The following MAPK10 variants were observed in gnomAD, a reference collection of about 807,000 sequenced individuals.
MAPK10 encodes JNK3 alpha protein kinase.
In MAPK10, 25 loss-of-function variants were observed where a neutral mutation model predicts 59.3. The ratio of observed to expected loss-of-function variants is 0.42; its 90% CI spans 0.31 to 0.59. The LOEUF (loss-of-function observed/expected upper bound fraction) is 0.59. MAPK10 is among the 20% of genes least tolerant of loss of function. The pLI is 0.15. For missense variants in MAPK10, 351 were observed against 568.9 expected (o/e 0.62, Z 3.90); for synonymous variants, 190 against 200.5 (o/e 0.95, Z 0.44).
intron 9 of MAPK10, among the ~76,000 whole-genome samples, chr4:86,092,276 A>C (rs1449117124): frequency 7.9e-5 from 12 of 152,078 alleles, no homozygotes; most frequent in Non-Finnish European, 4.4e-5. Flanking sequence ...AACTTTACTC[A>C]CCATTCACTA....
chr4:86,542,830 T>C (rs962440946), intron 1 of MAPK10, among the ~76,000 whole-genome samples: 1 of 152,184 alleles, frequency 6.6e-6, no homozygotes, highest in Admixed American at 6.5e-5. Flanking sequence ...ATGTTTTCCA[T>C]CTTGTTTTCA....
chr4:86,455,186 G>C (rs930378078), upstream of MAPK10, among the ~76,000 whole-genome samples: 4 of 152,008 alleles, frequency 2.6e-5, no homozygotes, highest in Non-Finnish European at 5.9e-5. Context: ...CCTCTTTAAT[G>C]CATACATCTC....
intron 1 of MAPK10, among the ~76,000 whole-genome samples, chr4:86,488,314 T>C (rs1754180728): frequency 6.6e-6 from 1 of 152,152 alleles, no homozygotes; most frequent in Non-Finnish European, 1.5e-5. Context: ...ATGTCCCCGG[T>C]TTTTCACAAC....
chr4:86,265,508 CA>C (rs529247040), intron 2 of MAPK10, among the ~76,000 whole-genome samples: 3,018 of 114,666 alleles, frequency 0.026, 69 homozygotes, highest in African/African-American at 0.076. Context: ...GTCTCCATCT[CA>C]AAAAAAAAAA....
At chr4:86,075,005 A>C (rs1245689902) in intron 9 of MAPK10, among the ~76,000 whole-genome samples, 15 of 146,894 alleles carry the variant, frequency 1.0e-4, no homozygotes. Context: ...ACTTGGTTCC[A>C]TTCTCCTCAT....
In MAPK10 at chr4:86,446,990, CTCATCTTT is replaced by C. The variant is rs1363847702; in HGVS notation, c.-122+6032_-122+6039del. ...GAATACCTTCTCTCAGTCTTTGGAA[CTCATCTTT>C]TCACTTATTTATGTTGCATGTTAAA... On this transcript the variant is annotated intron_variant, in intron 1 of 13. Coordinates refer to the MAPK10 transcript ENST00000361569. Among the ~76,000 whole-genome samples, 8 of 152,142 alleles carry C rather than the reference CTCATCTTT, an allele frequency of 5.3e-5. No individual in the cohort carries two copies. In the South Asian group the frequency reaches 1.7e-3, roughly 32 times the overall value.
intron 1 of MAPK10, among the ~76,000 whole-genome samples, chr4:86,500,097 C>T (rs4627823): frequency 0.048 from 7,364 of 152,244 alleles, 237 homozygotes; most frequent in African/African-American, 0.061. Flanking sequence ...AATTGAACAA[C>T]TGATTTGCCA....
chr4:86,344,681 G>C (rs1330624310), intron 2 of MAPK10, among the ~76,000 whole-genome samples: 6 of 152,032 alleles, frequency 3.9e-5, no homozygotes, highest in Non-Finnish European at 8.8e-5. Context: ...GGAAGGAACT[G>C]TGTGATATTT....
intron 2 of MAPK10, among the ~76,000 whole-genome samples, chr4:86,221,919 CTGAG>C (rs956590816): frequency 6.6e-6 from 1 of 152,154 alleles, no homozygotes; most frequent in Admixed American, 6.5e-5. Context: ...TCTTGTGCTA[CTGAG>C]TGACTTTTTG....
At chr4:86,549,564 C>T (rs1759591092) in intron 1 of MAPK10, among the ~76,000 whole-genome samples, 1 of 152,168 alleles carries the variant, frequency 6.6e-6, no homozygotes, top group African/African-American at 2.4e-5. Flanking sequence ...CTGAGTGAGT[C>T]AGTGAGTGAG....
rs369460063 is a variant in MAPK10, at chr4:86,391,423, T to C, written c.-121-36779A>G. ...AGTCTTGTCATATCATGCATGTATC[T>C]ACATGCAACGTTTTTAACTGTACCA... On this transcript the variant is annotated intron_variant, in intron 1 of 13. Transcript: ENST00000361569. Among the ~76,000 whole-genome samples the C allele has an allele frequency of 2.0e-5, 3 of 152,344 alleles. No homozygotes were observed. In the East Asian group the frequency reaches 5.8e-4, roughly 29 times the overall value.
chr4:86,101,536 A>C, intron 7 of MAPK10: 2 of 370,716 alleles, frequency 5.4e-6, no homozygotes, highest in Non-Finnish European at 4.9e-6. Flanking sequence ...CATATATATC[A>C]TTTCTAGGCC....
intron 1 of MAPK10, among the ~76,000 whole-genome samples, chr4:86,398,913 C>T (rs1002395930): frequency 2.0e-4 from 31 of 152,154 alleles, no homozygotes; most frequent in African/African-American, 7.0e-4. Context: ...CCAGTACATC[C>T]ATTTTGTTGC....
chr4:86,530,961 G>A (rs776038914), intron 1 of MAPK10, among the ~76,000 whole-genome samples: 2 of 152,162 alleles, frequency 1.3e-5, no homozygotes, highest in Non-Finnish European at 2.9e-5. Flanking sequence ...ACTTCTCAGG[G>A]CTGCCTAGCA....
intron 2 of MAPK10, among the ~76,000 whole-genome samples, chr4:86,258,081 G>A (rs2093827890): frequency 1.3e-5 from 2 of 152,138 alleles, no homozygotes; most frequent in African/African-American, 4.8e-5. Flanking sequence ...AAAGGATTCC[G>A]GCTTCAAGTA....
chr4:86,208,188 G>A (rs2084703219), intron 2 of MAPK10, among the ~76,000 whole-genome samples: 1 of 151,964 alleles, frequency 6.6e-6, no homozygotes, highest in Non-Finnish European at 1.5e-5. Flanking sequence ...CATTCCTTCT[G>A]AAACTATTCC....
chr4:86,425,029 C>T (rs1212662619), intron 1 of MAPK10, among the ~76,000 whole-genome samples: 1 of 151,998 alleles, frequency 6.6e-6, no homozygotes, highest in Non-Finnish European at 1.5e-5. Context: ...GACCAAATTC[C>T]GTGTTCAAGG....
At chr4:86,561,717 A>G (rs989436110) in intron 1 of MAPK10, among the ~76,000 whole-genome samples, 1 of 152,210 alleles carries the variant, frequency 6.6e-6, no homozygotes, top group Admixed American at 6.5e-5. Context: ...GAAACAGATA[A>G]TTAAGGAGGT....
intron 2 of MAPK10, among the ~76,000 whole-genome samples, chr4:86,331,121 C>CTT (rs1429258063): frequency 6.6e-6 from 1 of 152,118 alleles, no homozygotes; most frequent in Non-Finnish European, 1.5e-5. Context: ...AACTACCCAT[C>CTT]TTTATAAGGA....
Sources: gnomAD v4.1 joint callset for allele counts (sites outside exome capture counted in the v4.1 genomes callset) on GRCh38, gnomAD v4.1.1 for gene constraint, MANE v1.5 for transcripts, NCBI Gene and HGNC (gene_info 2026-07-23, HGNC 2026-07-21) for gene names.